The following TOX variants were observed in gnomAD, a reference collection of about 807,000 sequenced individuals.
TOX encodes the protein thymocyte selection-associated high mobility group box protein TOX.
In TOX, 11 loss-of-function variants were observed where a neutral mutation model predicts 53.7. That is an observed-to-expected ratio of 0.20 (90% confidence interval 0.13 to 0.34). The LOEUF (loss-of-function observed/expected upper bound fraction) is 0.34. TOX is among the 10% of genes least tolerant of loss of function. TOX has a pLI of 1.00. For synonymous variants in TOX, 225 were observed against 245.3 expected (o/e 0.92, Z 0.77); for missense variants, 570 against 664.6 (o/e 0.86, Z 1.56).
At chr8:58,983,009 A>C (rs1209639781) in intron 1 of TOX, among the ~76,000 whole-genome samples, 2 of 152,118 alleles carry the variant, frequency 1.3e-5, no homozygotes, top group Non-Finnish European at 2.9e-5. Flanking sequence ...AAATATCCAA[A>C]TTTTAACCAT....
At chr8:58,872,399 C>T (rs1174656417) in intron 3 of TOX, among the ~76,000 whole-genome samples, 2 of 152,002 alleles carry the variant, frequency 1.3e-5, no homozygotes, top group African/African-American at 2.4e-5. Context: ...GAGCACAACT[C>T]CTCATTCCTT....
Position 58,851,081 on chromosome 8 carries a change from T to C in TOX, c.693+443A>G, listed in dbSNP as rs1810806616. Reference sequence around the variant, plus strand: ...TCCCTGGCACTTACTTTCCACGTCCTCAATATGAAATGGTTGGGTCAGGTG... The same window carrying C: ...TCCCTGGCACTTACTTTCCACGTCCCCAATATGAAATGGTTGGGTCAGGTG... On this transcript the variant is annotated intron_variant, in intron 4 of 8. Coordinates refer to ENST00000361421, the MANE Select transcript of TOX (RefSeq NM_014729.3). This position sits in a 1 kb window ranked among gnomAD's most constrained non-coding sequence, Gnocchi z 4.4. Among the ~76,000 whole-genome samples the C allele has an allele frequency of 6.6e-6, 1 of 152,010 alleles. No homozygotes were observed. The highest frequency in any genetic ancestry group is 1.5e-5 in the Non-Finnish European group (1 of 68,004).
intron 1 of TOX, among the ~76,000 whole-genome samples, chr8:59,021,262 G>GCTAA (rs1463595475): frequency 6.7e-6 from 1 of 150,018 alleles, no homozygotes; most frequent in East Asian, 1.9e-4. Flanking sequence ...AAGTCAAAGT[G>GCTAA]CTAACCAAGC....
At chr8:59,055,428 T>C (rs1002210912) in intron 1 of TOX, among the ~76,000 whole-genome samples, 7 of 152,084 alleles carry the variant, frequency 4.6e-5, no homozygotes, top group Admixed American at 3.9e-4. Flanking sequence ...CTGTTAGCAT[T>C]TTGCCTACTA....
chr8:58,914,434 T>C (rs2129174242), intron 3 of TOX, among the ~76,000 whole-genome samples: 1 of 152,284 alleles, frequency 6.6e-6, no homozygotes, highest in African/African-American at 2.4e-5. Context: ...TCATTGCCCA[T>C]TCCACATTGA....
At chr8:58,885,187 G>A (rs1241666535) in intron 3 of TOX, among the ~76,000 whole-genome samples, 1 of 152,014 alleles carries the variant, frequency 6.6e-6, no homozygotes, top group Non-Finnish European at 1.5e-5. Flanking sequence ...TTGGGTGTGG[G>A]CAATGAAAAA....
At chr8:58,987,482 C>T (rs1441603864) in intron 1 of TOX, among the ~76,000 whole-genome samples, 2 of 152,118 alleles carry the variant, frequency 1.3e-5, no homozygotes. Context: ...ATAGATGGCA[C>T]AAGTACCAAC....
chr8:59,013,395 T>G (rs1813947090), intron 1 of TOX, among the ~76,000 whole-genome samples: 1 of 144,922 alleles, frequency 6.9e-6, no homozygotes, highest in Non-Finnish European at 1.5e-5. Context: ...GGCTTTAAGT[T>G]CCAACTATCA....
chr8:58,815,592 C>G lies in TOX; in HGVS notation c.1138G>C (p.Gly380Arg). The G allele has an allele frequency of 6.2e-7, 1 of 1,614,058 alleles. No homozygotes were observed. Among genetic ancestry groups the G allele is most frequent in the Non-Finnish European group, 8.5e-7 (1 of 1,180,018 alleles). ...ATGGCAGTTAGGTGAGGATTCATTC[C>G]CGGTTGTTGGTGATAGTGGGAACTT... ...YLSSHYHQQP[G>R]MNPHLTAMHP... Residue 380 changes from glycine (G) to arginine (R), a missense_variant, in exon 7 of 9, where the codon GGA (glycine) becomes CGA (arginine). Gly to Arg is a moderately radical substitution (Grantham distance 125). This residue lies in a region of TOX where 239 missense variants were observed against 250.7 expected (regional missense o/e 0.95). Transcript: ENST00000361421.
chr8:59,012,165 C>T (rs1236379528), intron 1 of TOX, among the ~76,000 whole-genome samples: 1 of 152,160 alleles, frequency 6.6e-6, no homozygotes, highest in East Asian at 1.9e-4. Flanking sequence ...TGGAATCCCA[C>T]CTAAGGATTA....
intron 1 of TOX, among the ~76,000 whole-genome samples, chr8:59,002,043 C>T (rs1585955753): frequency 7.0e-6 from 1 of 142,482 alleles, no homozygotes; most frequent in African/African-American, 2.6e-5. Context: ...GGCACAATGT[C>T]GACTCACTGC....
At chr8:59,048,979 C>T (rs1443734799) in intron 1 of TOX, among the ~76,000 whole-genome samples, 1 of 151,928 alleles carries the variant, frequency 6.6e-6, no homozygotes, top group African/African-American at 2.4e-5. Context: ...CAAATTTACT[C>T]AAAGACATTT....
At chr8:58,884,825 T>C (rs1434082305) in intron 3 of TOX, among the ~76,000 whole-genome samples, 1 of 152,194 alleles carries the variant, frequency 6.6e-6, no homozygotes, top group Non-Finnish European at 1.5e-5. Flanking sequence ...AGAACTTTTA[T>C]AGTCACAATC....
chr8:58,920,749 G>GAAAAAAAAAAAAAAAAA (rs67652722), intron 3 of TOX, among the ~76,000 whole-genome samples: 1 of 110,868 alleles, frequency 9.0e-6, no homozygotes, highest in African/African-American at 3.4e-5. Context: ...AAAAAAAGAA[G>GAAAAAAAAAAAAAAAAA]AAAAAAAAAA....
intron 1 of TOX, among the ~76,000 whole-genome samples, chr8:59,059,563 G>A (rs1803942512): frequency 1.3e-5 from 2 of 152,078 alleles, no homozygotes; most frequent in African/African-American, 4.8e-5. Context: ...GTGGTCTACT[G>A]TCAAATTAGA....
intron 3 of TOX, among the ~76,000 whole-genome samples, chr8:58,902,188 C>T (rs73252638): frequency 0.011 from 1,668 of 152,012 alleles, 37 homozygotes; most frequent in African/African-American, 0.038. Flanking sequence ...TTTTCCTTAA[C>T]TTGGTGTGTA....
intron 5 of TOX, among the ~76,000 whole-genome samples, chr8:58,829,459 C>T (rs1261183865): frequency 6.6e-6 from 1 of 152,024 alleles, no homozygotes; most frequent in African/African-American, 2.4e-5. Flanking sequence ...AAACTCATCA[C>T]GTCACATTAC....
intron 3 of TOX, among the ~76,000 whole-genome samples, chr8:58,914,921 G>C (rs957844703): frequency 1.4e-4 from 22 of 152,152 alleles, no homozygotes; most frequent in African/African-American, 5.3e-4. Flanking sequence ...TTCCCTTTCC[G>C]AGTCAAAGAA....
chr8:58,932,046 G>T (rs1334502452), intron 3 of TOX, among the ~76,000 whole-genome samples: 1 of 152,102 alleles, frequency 6.6e-6, no homozygotes, highest in East Asian at 1.9e-4. Flanking sequence ...CACATTCAAA[G>T]TAGTCTGTTT....
Sources: gnomAD v4.1 joint callset for allele counts (sites outside exome capture counted in the v4.1 genomes callset) on GRCh38, gnomAD v4.1.1 for gene constraint, gnomAD v4.1.1 regional missense constraint, Gnocchi (gnomAD v3.1) non-coding constraint, MANE v1.5 for transcripts, NCBI Gene and HGNC (gene_info 2026-07-23, HGNC 2026-07-21) for gene names.